The following TNXB variants were observed in gnomAD, a reference collection of about 807,000 sequenced individuals.
The protein encoded by TNXB is tenascin-X.
A neutral mutation model predicts 340.5 loss-of-function variants in TNXB; 183 were observed. The ratio of observed to expected loss-of-function variants is 0.54; its 90% confidence interval spans 0.48 to 0.61. The LOEUF is 0.61. Ranked by LOEUF, TNXB falls within the 20% of genes least tolerant of loss-of-function variation. The probability of loss-of-function intolerance (pLI) is 0.00; values close to 1 mark genes in which losing one functional copy is unlikely to be tolerated. For missense variants in TNXB, 4,613 were observed against 5,446.4 expected, an observed-to-expected ratio of 0.85 and a Z score of 4.82; for synonymous variants, 2,121 against 2,314.5, an observed-to-expected ratio of 0.92 and a Z score of 2.40.
chr6:32,053,022 C>A, intron 25 of TNXB, 29 bp from the exon 26 acceptor site: 1 of 1,596,800 alleles, frequency 6.3e-7, no homozygotes, highest in Non-Finnish European at 8.5e-7. Flanking sequence ...GAAGGTGAGG[C>A]AGCTTCCCTG....
Position 32,084,764 on chromosome 6 carries a change from G to C in TNXB, c.3149-55C>G. The C allele has an allele frequency of 6.9e-7, 1 of 1,450,296 alleles. No homozygotes were observed. Among genetic ancestry groups the C allele is most frequent in the South Asian group, 1.5e-5 (1 of 68,088 alleles). The allele number at this position is 1,450,296 out of a possible 1,614,324, so 89.8% of individuals were successfully genotyped here. On this transcript the variant is annotated intron_variant, in intron 7 of 43. Transcript: ENST00000644971. The surrounding 1 kb of genome is among the most constrained non-coding windows in gnomAD (Gnocchi z 5.5). ...AGTGGACTCAACCGTTCTCTTGTCT[G>C]TGTCTCCTTCCCTCTCCCCTGCCCA...
chr6:32,078,095 G>GAAAGAA (rs1554327340), intron 11 of TNXB, among the ~76,000 whole-genome samples: 16 of 136,016 alleles, frequency 1.2e-4, no homozygotes, highest in East Asian at 4.2e-4. Flanking sequence ...AAGAAAGAAA[G>GAAAGAA]AAAGAAAGAA....
intron 26 of TNXB, among the ~76,000 whole-genome samples, chr6:32,050,993 C>A (rs1424994241): frequency 2.6e-5 from 4 of 152,308 alleles, no homozygotes; most frequent in African/African-American, 9.6e-5. Flanking sequence ...CCCTGGGAGA[C>A]CCCAGGCCTC....
chr6:32,088,824 G>A lies in TNXB; in HGVS notation c.2740C>T (p.Arg914Trp), dbSNP rs542966732. 1.5e-5 allele frequency: 24 copies of A among 1,580,474 alleles called. No individual in the cohort carries two copies. Among genetic ancestry groups the A allele is most frequent in the Admixed American group, 7.3e-5 (4 of 55,052 alleles). Reference sequence around the variant, plus strand: ...ACAGAAGCTGGGTAGCTGACTGCCCGGCCCCGCTCCGCTGTGACAGTCACC... The same window carrying A: ...ACAGAAGCTGGGTAGCTGACTGCCCAGCCCCGCTCCGCTGTGACAGTCACC... ...YVVTVTAERG[R>W]AVSYPASVRA... The change falls in exon 6 of 44, where the codon CGG becomes TGG. Residue 914 changes from arginine (R) to tryptophan (W), a missense_variant. Arg to Trp is a moderately radical substitution (Grantham distance 101). Around this residue, in one of 7 missense-constraint regions of TNXB, gnomAD observed 4,327 missense variants for 4,859.4 expected, o/e 0.89. Coordinates refer to ENST00000644971, the MANE Select transcript of TNXB (RefSeq NM_001365276.2).
chr6:32,088,953 C>T lies in TNXB; in HGVS notation c.2611G>A (p.Val871Met), dbSNP rs745699489. 1.2e-6 allele frequency: 2 copies of T among 1,608,842 alleles called. No individual in the cohort carries two copies. Among genetic ancestry groups the T allele is most frequent in the Non-Finnish European group, 1.7e-6 (2 of 1,177,846 alleles). The change falls in exon 6 of 44, where the codon GTG becomes ATG. Residue 871 changes from valine (V) to methionine (M), a missense_variant. Around this residue, in one of 7 missense-constraint regions of TNXB, gnomAD observed 4,327 missense variants for 4,859.4 expected, o/e 0.89. Coordinates refer to ENST00000644971, the MANE Select transcript of TNXB (RefSeq NM_001365276.2). ...LRPQAEVDRFVVSYVSAGNQR... is the reference protein window; with the variant it reads ...LRPQAEVDRFMVSYVSAGNQR... ...TTGCCGGCACTGACGTAGGACACCA[C>T]AAATCGGTCCACCTCAGCCTGGGGA...
At position 32,085,996 on chromosome 6, in the gene TNXB, C is replaced by A; in HGVS notation, c.2902G>T (p.Val968Leu). 6.2e-7 allele frequency: 1 copy of A among 1,607,062 alleles called. No individual in the cohort carries two copies. The highest frequency in any genetic ancestry group is 2.2e-5 in the East Asian group (1 of 44,874). ...QRPQELGELR[V>L]LGRDETGRLR... ...CGCCCTGTCTCATCTCTGCCCAGCACCCTCAACTCTCCCAGCTCCTGGGGG... is the reference window on the plus strand; with the variant it reads ...CGCCCTGTCTCATCTCTGCCCAGCAACCTCAACTCTCCCAGCTCCTGGGGG... Residue 968 changes from valine (V) to leucine (L), a missense_variant, in exon 7 of 44, where the codon GTG becomes TTG. Val to Leu is a conservative substitution (Grantham distance 32). Coordinates refer to ENST00000644971, the MANE Select transcript of TNXB (RefSeq NM_001365276.2). This position sits in a 1 kb window ranked among gnomAD's most constrained non-coding sequence, Gnocchi z 6.4.
At position 32,056,163 on chromosome 6, in the gene TNXB, C is replaced by T. The variant is rs761870425; in HGVS notation, c.8155G>A (p.Glu2719Lys). Residue 2719 changes from glutamate (E) to lysine (K), a missense_variant, in exon 24 of 44, where the codon GAG becomes AAG. This residue lies in a region of TNXB where 4,327 missense variants were observed against 4,859.4 expected (regional missense o/e 0.89). Coordinates refer to ENST00000644971, the MANE Select transcript of TNXB (RefSeq NM_001365276.2). ...SVIGVTAAEE[E>K]TPSPTELSTE... ...CTGAGTTCCGTGGGGCTGGGGGTCT[C>T]TTCCTCTGCAGCTGAGAAAAGGAGA... is the stretch of plus-strand genomic sequence containing the variant. 9 of 1,611,066 alleles carry T rather than the reference C, an allele frequency of 5.6e-6. No homozygotes were observed. The highest frequency in any genetic ancestry group is 1.6e-4 in the Middle Eastern group (1 of 6,078).
intron 4 of TNXB, chr6:32,093,318 T>C: frequency 1.5e-6 from 1 of 686,826 alleles, no homozygotes; most frequent in Non-Finnish European, 2.7e-6. Context: ...GTGATTAAAG[T>C]ATTTTTATAA....
At position 32,049,453 on chromosome 6, in the gene TNXB, G is replaced by C. The variant is rs766906496; in HGVS notation, c.9574C>G (p.Arg3192Gly). Residue 3192 changes from arginine to glycine, a missense_variant, in exon 28 of 44, where the codon CGC becomes GGC. Transcript: ENST00000644971. The surrounding 1 kb of genome is among the most constrained non-coding windows in gnomAD (Gnocchi z 4.5). ...LSLSWTVPQG[R>G]FDSFTVQYKD... Reference sequence around the variant, plus strand: ...TACTGCACGGTGAAGGAGTCGAAGCGGCCCTGGGGGACGGTCCAGGAGAGG... The same window carrying C: ...TACTGCACGGTGAAGGAGTCGAAGCCGCCCTGGGGGACGGTCCAGGAGAGG... The C allele has an allele frequency of 6.2e-6, 10 of 1,612,708 alleles. No homozygotes were observed. The highest frequency in any genetic ancestry group is 1.7e-5 in the Admixed American group (1 of 60,020).
In TNXB at chr6:32,056,097, C is replaced by A; in HGVS notation, c.8221G>T (p.Glu2741Ter). ...GGGGAGGATCCTGTCACTGTCAGCT[C>A]CCCCAGGAGCGGCTCCTCAGGGGGC... ...PEPPEEPLLG[E>*]LTVTGSSPDS... The change falls in exon 24 of 44, where the codon GAG (glutamate) becomes TAG (stop). Residue 2741 changes from glutamate to a stop codon, truncating the protein, a stop_gained. Coordinates refer to ENST00000644971, the MANE Select transcript of TNXB (RefSeq NM_001365276.2). LOFTEE classifies it high-confidence loss of function. The A allele has an allele frequency of 6.2e-7, 1 of 1,612,668 alleles. No homozygotes were observed. The highest frequency in any genetic ancestry group is 8.5e-7 in the Non-Finnish European group (1 of 1,179,804).
At chr6:32,101,917 T>C (rs755647526) in intron 1 of TNXB, among the ~76,000 whole-genome samples, 1 of 152,116 alleles carries the variant, frequency 6.6e-6, no homozygotes, top group Non-Finnish European at 1.5e-5. Flanking sequence ...AGAGATGGGA[T>C]CTTGCTGTGT....
In TNXB at chr6:32,082,238, G is replaced by A; in HGVS notation, c.3534C>T (p.Ser1178=). ...TDPTPDSLHL[S]WTVPEGQFDT... Reference sequence around the variant, plus strand: ...CAAACTGGCCCTCAGGGACAGTCCAGGAGAGGTGCAGTGAATCTGGGGTAG... The same window carrying A: ...CAAACTGGCCCTCAGGGACAGTCCAAGAGAGGTGCAGTGAATCTGGGGTAG... The change falls in exon 9 of 44, where the codon TCC becomes TCT. Residue 1178 remains serine (S), a synonymous_variant. Transcript: ENST00000644971. The surrounding 1 kb of genome is among the most constrained non-coding windows in gnomAD (Gnocchi z 5.0). 1.2e-6 allele frequency: 2 copies of A among 1,610,346 alleles called. No individual in the cohort carries two copies. Among genetic ancestry groups the A allele is most frequent in the Non-Finnish European group, 1.7e-6 (2 of 1,178,832 alleles).
Position 32,081,482 on chromosome 6 carries a change from C to T in TNXB, c.3928G>A (p.Asp1310Asn), listed in dbSNP as rs1779430825. ...CCGGGGACAGTAACCTCATTCTCAT[C>T]CCCCGCAACAGGCACTGCCTGGGGC... ...GQPQAVPVAG[D>N]ENEVTVPGLD... The change falls in exon 10 of 44, where the codon GAT becomes AAT. Residue 1310 changes from aspartate (D) to asparagine (N), a missense_variant. Around this residue, in one of 7 missense-constraint regions of TNXB, gnomAD observed 4,327 missense variants for 4,859.4 expected, o/e 0.89. Transcript: ENST00000644971. This position sits in a 1 kb window ranked among gnomAD's most constrained non-coding sequence, Gnocchi z 5.1. The T allele has an allele frequency of 1.2e-6, 2 of 1,603,978 alleles. No individual in the cohort carries two copies. Among genetic ancestry groups the T allele is most frequent in the African/African-American group, 1.3e-5 (1 of 74,740 alleles).
rs1338826138 is a variant in TNXB at position 32,047,687 on chromosome 6, G to A, written c.10324+47C>T. 3 of 1,535,822 alleles carry A rather than the reference G, an allele frequency of 2.0e-6. No individual in the cohort carries two copies. The highest frequency in any genetic ancestry group is 3.8e-5 in the Admixed American group (2 of 53,112). On this transcript the variant is annotated intron_variant, in intron 30 of 43. Coordinates refer to ENST00000644971, the MANE Select transcript of TNXB (RefSeq NM_001365276.2). The surrounding 1 kb of genome is among the most constrained non-coding windows in gnomAD (Gnocchi z 6.2). ...GCTGCAGGGCCAGCTCTGAGGGCTC[G>A]GATGAGAGGCAGCTCTGGAAAAGGT...
Position 32,074,322 on chromosome 6 carries a change from C to T in TNXB, c.4376-370G>A, listed in dbSNP as rs1020702949. ...TACAGGTGTGAGCCACCACACCCAGCGATGTCTGTTGCATTTGTGGAACCC... is the reference window on the plus strand; with the variant it reads ...TACAGGTGTGAGCCACCACACCCAGTGATGTCTGTTGCATTTGTGGAACCC... On this transcript the variant is annotated intron_variant, in intron 11 of 43. Coordinates refer to ENST00000644971, the MANE Select transcript of TNXB (RefSeq NM_001365276.2). The surrounding 1 kb of genome is among the most constrained non-coding windows in gnomAD (Gnocchi z 5.5). Among the ~76,000 whole-genome samples the T allele has an allele frequency of 2.6e-5, 4 of 152,186 alleles. No individual in the cohort carries two copies. Among genetic ancestry groups the T allele is most frequent in the South Asian group, 2.1e-4 (1 of 4,832 alleles).
intron 26 of TNXB, among the ~76,000 whole-genome samples, chr6:32,050,882 C>T (rs1409001316): frequency 6.6e-6 from 1 of 152,170 alleles, no homozygotes; most frequent in Admixed American, 6.5e-5. Context: ...CCTCTAGGCT[C>T]CCTGCCACCC....
chr6:32,095,494 C>T, intron 3 of TNXB, 117 bp downstream of exon 3: 1 of 1,361,416 alleles, frequency 7.3e-7, no homozygotes. Context: ...CTGGTGGGCA[C>T]TGGCTCCTTG....
chr6:32,085,834 G>A lies in TNXB; in HGVS notation c.3064C>T (p.Pro1022Ser), dbSNP rs1779732660. Residue 1022 changes from proline to serine, a missense_variant, in exon 7 of 44, where the codon CCT becomes TCT. By Grantham distance (74) the Pro-to-Ser change is moderately conservative (BLOSUM62 -1). Coordinates refer to ENST00000644971, the MANE Select transcript of TNXB (RefSeq NM_001365276.2). This position sits in a 1 kb window ranked among gnomAD's most constrained non-coding sequence, Gnocchi z 6.4. ...AGTGACAGCTCATACGGGGTTCCAG[G>A]AGGGGGTGGAGGCACCAGAGCCTGG... Reference protein sequence around the residue: ...VRQALVPPPPPGTPYELSLHG... With the variant: ...VRQALVPPPPSGTPYELSLHG... The A allele has an allele frequency of 1.9e-6, 3 of 1,605,740 alleles. No homozygotes were observed. The highest frequency in any genetic ancestry group is 2.5e-6 in the Non-Finnish European group (3 of 1,177,186).
intron 4 of TNXB, chr6:32,093,261 C>T: frequency 1.5e-6 from 1 of 663,448 alleles, no homozygotes; most frequent in South Asian, 1.6e-5. Flanking sequence ...TAGTGAGGAG[C>T]AGCCAGGAAT....
Sources: allele counts gnomAD v4.1 joint callset (sites outside exome capture counted in the v4.1 genomes callset), GRCh38; gene constraint gnomAD v4.1.1; regional missense constraint gnomAD v4.1.1; non-coding constraint Gnocchi (gnomAD v3.1); transcripts MANE v1.5; gene names NCBI Gene and HGNC (gene_info 2026-07-23, HGNC 2026-07-21).